PLEKHA7: variants seen among roughly 807,000 people sequenced by gnomAD.
PLEKHA7 encodes the protein pleckstrin homology domain containing A7.
PLEKHA7 carries 104 observed loss-of-function variants against 170.0 expected under a neutral mutation model. The ratio of observed to expected loss-of-function variants is 0.61; its 90% CI spans 0.52 to 0.72. The LOEUF is 0.72. PLEKHA7 is among the 30% of genes least tolerant of loss of function. The pLI is 0.00. For synonymous variants in PLEKHA7, 648 were observed against 660.8 expected, an observed-to-expected ratio of 0.98 and a Z score of 0.30; for missense variants, 1,615 against 1,671.7, an observed-to-expected ratio of 0.97 and a Z score of 0.59.
intron 3 of PLEKHA7, among the ~76,000 whole-genome samples, chr11:16,907,189 C>T (rs202212554): frequency 0.38 from 36,414 of 95,408 alleles, 4,672 homozygotes; most frequent in East Asian, 0.67. Flanking sequence ...CCCGGCCAGC[C>T]GCCCCATCCG....
At chr11:16,981,120 C>T (rs1863401983) in intron 3 of PLEKHA7, among the ~76,000 whole-genome samples, 1 of 151,962 alleles carries the variant, frequency 6.6e-6, no homozygotes, top group Admixed American at 6.6e-5. Context: ...AAGAGTGTTG[C>T]TCTGTTCCTC....
In PLEKHA7 at chr11:16,885,389, T is replaced by C. The variant is rs189188294; in HGVS notation, c.222-14207A>G. The stretch of plus-strand genomic sequence containing the variant: ...AACTAAAGCAAGATGCCAGGTGTGG[T>C]GGCTCATGCCTCTAATCCCAGCACT... On this transcript the variant is annotated intron_variant, in intron 3 of 26. Coordinates refer to ENST00000531066, the MANE Select transcript of PLEKHA7 (RefSeq NM_001329630.2). Among the ~76,000 whole-genome samples, 550 of 151,580 alleles carry C rather than the reference T, an allele frequency of 3.6e-3. 4 individuals carry two copies. The highest frequency in any genetic ancestry group is 5.7e-3 in the Non-Finnish European group (389 of 67,924).
At chr11:16,963,643 C>T (rs1321203597) in intron 3 of PLEKHA7, among the ~76,000 whole-genome samples, 1 of 152,124 alleles carries the variant, frequency 6.6e-6, no homozygotes, top group Non-Finnish European at 1.5e-5. Flanking sequence ...AACATGTCCC[C>T]TGGGGAGCCA....
intron 17 of PLEKHA7, among the ~76,000 whole-genome samples, chr11:16,798,703 G>C (rs547190877): frequency 6.6e-6 from 1 of 152,194 alleles, no homozygotes; most frequent in East Asian, 1.9e-4. Flanking sequence ...CTGTGGGTAG[G>C]AAGATAAACA....
intron 3 of PLEKHA7, among the ~76,000 whole-genome samples, chr11:16,966,818 G>A (rs537545994): frequency 5.8e-4 from 88 of 152,182 alleles, no homozygotes; most frequent in African/African-American, 2.0e-3. Flanking sequence ...CTCTGGCCAT[G>A]AAGGTTTTAT....
intron 3 of PLEKHA7, among the ~76,000 whole-genome samples, chr11:16,939,007 C>T (rs756682151): frequency 2.2e-4 from 33 of 152,100 alleles, no homozygotes; most frequent in Non-Finnish European, 3.5e-4. Flanking sequence ...TTAGAAGATT[C>T]AAAGATCTCC....
At chr11:16,925,986 A>G (rs559616570) in intron 3 of PLEKHA7, among the ~76,000 whole-genome samples, 62 of 152,364 alleles carry the variant, frequency 4.1e-4, no homozygotes, top group Non-Finnish European at 6.9e-4. Context: ...CTAGCCAGAC[A>G]CCAGCAGACC....
intron 10 of PLEKHA7, among the ~76,000 whole-genome samples, chr11:16,820,082 A>T (rs1850090082): frequency 1.3e-5 from 2 of 152,192 alleles, no homozygotes; most frequent in Admixed American, 1.3e-4. Flanking sequence ...AAAATAAGAT[A>T]TATTTTTAAA....
At chr11:16,790,126 C>T in intron 21 of PLEKHA7, 1 of 508,116 alleles carries the variant, frequency 2.0e-6, no homozygotes, top group Non-Finnish European at 3.5e-6. Context: ...CCCAGGCTTC[C>T]CTTACATGCA....
intron 3 of PLEKHA7, among the ~76,000 whole-genome samples, chr11:16,959,207 A>G (rs6486327): frequency 0.43 from 62,263 of 144,270 alleles, 13,969 homozygotes; most frequent in African/African-American, 0.59. Context: ...AGGACCCAAC[A>G]GTTATCTTTC....
Position 16,826,481 on chromosome 11 carries a change from C to T in PLEKHA7, c.982G>A (p.Gly328Ser). 6.2e-7 allele frequency: 1 copy of T among 1,614,244 alleles called. No homozygotes were observed. The highest frequency in any genetic ancestry group is 8.5e-7 in the Non-Finnish European group (1 of 1,180,058). ...PGHTRDCPHRGHDDIVNFERQ... is the reference protein window; with the variant it reads ...PGHTRDCPHRSHDDIVNFERQ... ...TCGAAGTTGACAATGTCATCATGGC[C>T]ACGATGAGGACAATCTCTCGTATGT... is the stretch of plus-strand genomic sequence containing the variant. Residue 328 changes from glycine to serine, a missense_variant, in exon 10 of 27, where the codon GGC becomes AGC. Gly to Ser is a moderately conservative substitution (Grantham distance 56, BLOSUM62 0). Coordinates refer to ENST00000531066, the MANE Select transcript of PLEKHA7 (RefSeq NM_001329630.2).
At chr11:16,879,623 T>C (rs530920255) in intron 3 of PLEKHA7, among the ~76,000 whole-genome samples, 7 of 152,210 alleles carry the variant, frequency 4.6e-5, no homozygotes, top group Admixed American at 1.3e-4. Context: ...GGGCAGTTAG[T>C]AACCGTGTTC....
chr11:16,957,786 C>T (rs1157895132), intron 3 of PLEKHA7, among the ~76,000 whole-genome samples: 2 of 146,058 alleles, frequency 1.4e-5, no homozygotes, highest in Non-Finnish European at 3.0e-5. Context: ...TCACTGTAAC[C>T]TCCACCTCCT....
At chr11:16,790,157 G>A in intron 21 of PLEKHA7, 1 of 455,980 alleles carries the variant, frequency 2.2e-6, no homozygotes, top group Non-Finnish European at 4.0e-6. Flanking sequence ...CTGCCTGGCA[G>A]GTAGAAAGGC....
At position 16,876,620 on chromosome 11, in the gene PLEKHA7, G is replaced by A. The variant is rs146711762; in HGVS notation, c.222-5438C>T. 5.3e-5 allele frequency among the ~76,000 whole-genome samples: 8 copies of A among 152,318 alleles called. No individual in the cohort carries two copies. In the East Asian group the frequency reaches 1.2e-3, roughly 22 times the overall value. On this transcript the variant is annotated intron_variant, in intron 3 of 26. Transcript: ENST00000531066. The stretch of plus-strand genomic sequence containing the variant: ...AGTACTTGGGTTAAGCCCTAAAGAA[G>A]TCTGACAGCAAATACAAAAGACTTG...
intron 3 of PLEKHA7, among the ~76,000 whole-genome samples, chr11:16,887,308 CCTCTCCCTCTCCCTCTCCCCACG>C (rs1856191663): frequency 9.3e-5 from 4 of 43,098 alleles, no homozygotes; most frequent in African/African-American, 3.2e-4. Context: ...TCAACCTCTC[CCTCTCCCTCTCCCTCTCCCCACG>C]GTCTCCCTCT....
At chr11:17,002,090 T>C (rs540895954) in intron 3 of PLEKHA7, among the ~76,000 whole-genome samples, 192 of 152,340 alleles carry the variant, frequency 1.3e-3, no homozygotes, top group African/African-American at 4.4e-3. Flanking sequence ...CACCAGCGAC[T>C]GGCTCACAGT....
intron 3 of PLEKHA7, among the ~76,000 whole-genome samples, chr11:16,965,286 G>A (rs1431262659): frequency 6.6e-6 from 1 of 151,988 alleles, no homozygotes; most frequent in African/African-American, 2.4e-5. Flanking sequence ...TCACACCACT[G>A]CGCTCTAGCC....
intron 3 of PLEKHA7, among the ~76,000 whole-genome samples, chr11:16,884,712 G>A (rs1020336944): frequency 5.3e-5 from 8 of 151,998 alleles, no homozygotes; most frequent in Admixed American, 1.3e-4. Context: ...AAAAACTGTC[G>A]CAACTCTGGG....
Sources: allele counts gnomAD v4.1 joint callset (sites outside exome capture counted in the v4.1 genomes callset), GRCh38; gene constraint gnomAD v4.1.1; transcripts MANE v1.5; gene names NCBI Gene and HGNC (gene_info 2026-07-23, HGNC 2026-07-21).